CFAP91: variants seen among roughly 807,000 people sequenced by gnomAD.
CFAP91 encodes cilia- and flagella-associated protein 91.
Under a neutral mutation model 95.9 loss-of-function variants are expected in CFAP91, and 85 were observed. That is an observed-to-expected ratio of 0.89 (90% CI 0.74 to 1.06). The LOEUF (loss-of-function observed/expected upper bound fraction) is 1.06, where lower values mean the gene tolerates loss of function less well. Among genes scored for constraint, CFAP91 ranks in the 50% least tolerant of loss-of-function variants. The pLI is 0.00. For synonymous variants in CFAP91, 335 were observed against 327.5 expected (o/e 1.02, Z -0.25); for missense variants, 962 against 943.4 (o/e 1.02, Z -0.26).
chr3:119,726,370 C>G, intron 7 of CFAP91, 22 bp downstream of exon 7: 3 of 1,595,490 alleles, frequency 1.9e-6, no homozygotes, highest in Middle Eastern at 1.7e-4. Flanking sequence ...ATCACCCAGA[C>G]AACTGTTCCT....
intron 17 of CFAP91, among the ~76,000 whole-genome samples, chr3:119,762,055 T>C (rs548903573): frequency 6.6e-6 from 1 of 152,082 alleles, no homozygotes; most frequent in South Asian, 2.1e-4. Flanking sequence ...AAATTGTTTT[T>C]CTTTGCAGGT....
chr3:119,759,326 AAAAAT>A (rs1366742063), intron 17 of CFAP91, among the ~76,000 whole-genome samples: 1 of 152,044 alleles, frequency 6.6e-6, no homozygotes, highest in African/African-American at 2.4e-5. Flanking sequence ...TGACTACTGT[AAAAAT>A]AAAATAAAAA....
rs753561826 is a variant in CFAP91 at position 119,707,483 on chromosome 3, A to T, written c.281A>T (p.Asp94Val). The T allele has an allele frequency of 1.4e-5, 23 of 1,598,700 alleles. No homozygotes were observed. ...PRYSLYWSKS[D>V]PVPPFISREW... ...TATTCTCTATATTGGAGCAAGTCAG[A>T]TCCTGTCCCACCATTTATCAGTCGG... The change falls in exon 3 of 18, where the codon GAT becomes GTT. Residue 94 changes from aspartate to valine, a missense_variant. Coordinates refer to ENST00000273390, the MANE Select transcript of CFAP91 (RefSeq NM_033364.4).
At chr3:119,743,472 T>G (rs1012436095) in intron 13 of CFAP91, among the ~76,000 whole-genome samples, 2 of 152,176 alleles carry the variant, frequency 1.3e-5, no homozygotes, top group Non-Finnish European at 2.9e-5. Context: ...ATTAAAAAAG[T>G]AAAAAGTACC....
chr3:119,739,300 C>A lies in CFAP91; in HGVS notation c.1507C>A (p.Leu503Ile), dbSNP rs905502248. 3.1e-6 allele frequency: 5 copies of A among 1,614,030 alleles called. No homozygotes were observed. In the Admixed American group the frequency reaches 6.7e-5, roughly 22 times the overall value. The change falls in exon 12 of 18, where the codon CTC (leucine) becomes ATC (isoleucine). Residue 503 changes from leucine to isoleucine, a missense_variant. By Grantham distance (5) the Leu-to-Ile change is conservative. Coordinates refer to ENST00000273390, the MANE Select transcript of CFAP91 (RefSeq NM_033364.4). ...EMAVIYLQKL[L>I]RGRVVQNMMF... is the part of the protein sequence containing the mutation. ...GGCTGTGATCTACCTTCAAAAGTTA[C>A]TCCGGGGCAGAGTCGTTCAGAACAT...
Position 119,766,948 on chromosome 3 carries a change from G to C in CFAP91, c.*1898G>C, listed in dbSNP as rs1250825831. 6.6e-6 allele frequency: 1 copy of C among 152,164 alleles called. No individual in the cohort carries two copies. Among genetic ancestry groups the C allele is most frequent in the African/African-American group, 2.4e-5 (1 of 41,444 alleles). The allele number at this position is 152,164 out of a possible 1,614,324, so 9.4% of individuals were successfully genotyped here. On this transcript the variant is annotated 3_prime_UTR_variant, in exon 18 of 18. Transcript: ENST00000273390. ...TACAAGTTGTTATACAATTCTCATT[G>C]ACTAATTGAAGTTTACTAGGAGAGG...
chr3:119,739,816 A>G (rs1019205072), intron 12 of CFAP91, among the ~76,000 whole-genome samples: 2 of 152,172 alleles, frequency 1.3e-5, no homozygotes, highest in Non-Finnish European at 1.5e-5. Context: ...TTTGCTCTAC[A>G]TATGTTGTCT....
chr3:119,760,246 A>C (rs994118940), intron 17 of CFAP91, among the ~76,000 whole-genome samples: 2 of 151,940 alleles, frequency 1.3e-5, no homozygotes, highest in African/African-American at 4.8e-5. Flanking sequence ...AACTTACATC[A>C]GATAAAATAG....
chr3:119,749,742 A>G (rs976328452), intron 16 of CFAP91, among the ~76,000 whole-genome samples: 36 of 152,168 alleles, frequency 2.4e-4, no homozygotes, highest in Non-Finnish European at 5.9e-5. Flanking sequence ...TCAAATGAGA[A>G]CCATATGTAT....
intron 11 of CFAP91, 97 bp from the exon 12 acceptor site, chr3:119,739,158 C>T (rs575027738): frequency 1.0e-6 from 1 of 964,002 alleles, no homozygotes; most frequent in African/African-American, 1.6e-5. Context: ...TGGCATCTAG[C>T]ACAGTCTGTT....
At position 119,740,609 on chromosome 3, in the gene CFAP91, C is replaced by T; in HGVS notation, c.1594C>T (p.Leu532=). 1 of 1,614,174 alleles carries T rather than the reference C, an allele frequency of 6.2e-7. No homozygotes were observed. Among genetic ancestry groups the T allele is most frequent in the Non-Finnish European group, 8.5e-7 (1 of 1,180,034 alleles). ...CCAGGAGTTGCGCACCTGCCACGCA[C>T]TACAAGAAGATGAAAAGCTGGTGAA... The part of the protein sequence containing the change: ...LIQELRTCHA[L]QEDEKLVKKA... The change falls in exon 13 of 18, where the codon CTA becomes TTA. Residue 532 remains leucine (L), a synonymous_variant. Transcript: ENST00000273390.
rs1416574834 is a variant in CFAP91, at chr3:119,726,214, A to C, written c.726A>C (p.Glu242Asp). The change falls in exon 7 of 18, where the codon GAA becomes GAC. Residue 242 changes from glutamate (E) to aspartate (D), a missense_variant. Coordinates refer to ENST00000273390, the MANE Select transcript of CFAP91 (RefSeq NM_033364.4). Reference protein sequence around the residue: ...PAGQAEVEMIERAREKRAWEA... With the variant: ...PAGQAEVEMIDRAREKRAWEA... ...GACAAGCTGAGGTGGAGATGATAGAAAGAGCCCGCGAGAAGCGTGCTTGGG... is the reference window on the plus strand; with the variant it reads ...GACAAGCTGAGGTGGAGATGATAGACAGAGCCCGCGAGAAGCGTGCTTGGG... The C allele has an allele frequency of 1.9e-6, 3 of 1,613,132 alleles. No homozygotes were observed. Among genetic ancestry groups the C allele is most frequent in the Admixed American group, 3.3e-5 (2 of 59,902 alleles).
chr3:119,740,835 TTGTGTGTGTGTG>T (rs57901016), intron 13 of CFAP91, 140 bp downstream of exon 13: 19 of 515,226 alleles, frequency 3.7e-5, no homozygotes, highest in South Asian at 2.1e-4. Context: ...CTGTCAGCAT[TTGTGTGTGTGTG>T]TGTGTGTGTG....
intron 6 of CFAP91, among the ~76,000 whole-genome samples, chr3:119,720,087 C>CAA (rs71293248): frequency 5.5e-4 from 68 of 124,356 alleles, no homozygotes; most frequent in African/African-American, 1.9e-3. Context: ...ATACATAAAT[C>CAA]AAAAAAAAAA....
chr3:119,729,195 G>A (rs1275662812), intron 7 of CFAP91, among the ~76,000 whole-genome samples: 1 of 152,186 alleles, frequency 6.6e-6, no homozygotes, highest in Admixed American at 6.5e-5. Flanking sequence ...ATGAGCCAGG[G>A]AATACAAGAA....
intron 7 of CFAP91, among the ~76,000 whole-genome samples, chr3:119,728,127 A>AATG (rs148442579): frequency 0.11 from 16,981 of 151,884 alleles, 2,636 homozygotes; most frequent in African/African-American, 0.35. Context: ...ATAATATGAT[A>AATG]ATGATGATGA....
intron 8 of CFAP91, among the ~76,000 whole-genome samples, chr3:119,730,807 A>C (rs1001855669): frequency 1.3e-5 from 2 of 152,182 alleles, no homozygotes; most frequent in East Asian, 3.8e-4. Flanking sequence ...CGCAGATATA[A>C]CATATATATG....
In CFAP91 at chr3:119,730,339, A is replaced by G. The variant is rs1473763921; in HGVS notation, c.980A>G (p.Glu327Gly). Residue 327 changes from glutamate to glycine, a missense_variant, in exon 8 of 18, where the codon GAG (glutamate) becomes GGG (glycine). Coordinates refer to ENST00000273390, the MANE Select transcript of CFAP91 (RefSeq NM_033364.4). ...ARWSKLQEGKEAKMAKIQRTH... is the reference protein window; with the variant it reads ...ARWSKLQEGKGAKMAKIQRTH... ...TGGTCTAAACTGCAGGAGGGAAAAG[A>G]GGCAAAAATGGCAAAAATTCAGCGC... 1 of 1,614,086 alleles carries G rather than the reference A, an allele frequency of 6.2e-7. No individual in the cohort carries two copies. The highest frequency in any genetic ancestry group is 2.2e-5 in the East Asian group (1 of 44,898).
At chr3:119,733,612 C>A in intron 10 of CFAP91, 106 bp downstream of exon 10, 1 of 1,148,780 alleles carries the variant, frequency 8.7e-7, no homozygotes, top group Non-Finnish European at 1.3e-6. Context: ...CATAGACCTA[C>A]ATTCTCTGCT....
Sources: allele counts gnomAD v4.1 joint callset (sites outside exome capture counted in the v4.1 genomes callset), GRCh38; gene constraint gnomAD v4.1.1; transcripts MANE v1.5; gene names NCBI Gene and HGNC (gene_info 2026-07-23, HGNC 2026-07-21).